Variants in MET observed in about 807,000 individuals in gnomAD.
MET encodes hepatocyte growth factor receptor.
MET carries 48 observed loss-of-function variants against 133.1 expected under a neutral mutation model. That is an observed-to-expected ratio of 0.36 (90% confidence interval 0.29 to 0.46). The LOEUF is 0.46. Ranked by LOEUF, MET falls within the 20% of genes least tolerant of loss-of-function variation. The pLI is 1.00. For synonymous variants in MET, 628 were observed against 616.5 expected (o/e 1.02, Z -0.28); for missense variants, 1,442 against 1,695.9 (o/e 0.85, Z 2.63).
intron 5 of MET, among the ~76,000 whole-genome samples, chr7:116,747,173 C>T (rs2116869826): frequency 6.6e-6 from 1 of 152,266 alleles, no homozygotes; most frequent in East Asian, 1.9e-4. Flanking sequence ...CCGGTACCAC[C>T]TACTGCAGAA....
At chr7:116,693,084 A>G (rs1796832770) in intron 1 of MET, among the ~76,000 whole-genome samples, 1 of 152,234 alleles carries the variant, frequency 6.6e-6, no homozygotes, top group Admixed American at 6.5e-5. Context: ...AAATATTAAA[A>G]TGCTCACACA....
At chr7:116,735,417 G>A (rs895688428) in intron 3 of MET, among the ~76,000 whole-genome samples, 7 of 152,176 alleles carry the variant, frequency 4.6e-5, no homozygotes, top group Non-Finnish European at 8.8e-5. Context: ...GTGAACCTAA[G>A]AATAATTACT....
chr7:116,746,416 T>A (rs1239658974), intron 5 of MET, among the ~76,000 whole-genome samples: 1 of 152,190 alleles, frequency 6.6e-6, no homozygotes, highest in Non-Finnish European at 1.5e-5. Flanking sequence ...TTGACCCAGC[T>A]GTCCCATTAC....
At chr7:116,713,211 C>T (rs988964281) in intron 2 of MET, among the ~76,000 whole-genome samples, 8 of 151,952 alleles carry the variant, frequency 5.3e-5, no homozygotes, top group African/African-American at 1.9e-4. Context: ...CCGGCTAAAA[C>T]GGTGAAACCC....
chr7:116,706,844 C>G (rs1033166423), intron 2 of MET, among the ~76,000 whole-genome samples: 1 of 151,654 alleles, frequency 6.6e-6, no homozygotes, highest in African/African-American at 2.4e-5. Flanking sequence ...AAAATGAAAC[C>G]AAGGGCTCAG....
At chr7:116,681,938 CA>C (rs59578108) in intron 1 of MET, among the ~76,000 whole-genome samples, 22,272 of 144,828 alleles carry the variant, frequency 0.15, 2,776 homozygotes, top group African/African-American at 0.35. Flanking sequence ...AGATTGTTGA[CA>C]AAAAAAAAAA....
chr7:116,732,051 T>C (rs1172036825), intron 3 of MET, among the ~76,000 whole-genome samples, 192 bp downstream of exon 3: 1 of 152,228 alleles, frequency 6.6e-6, no homozygotes, highest in Non-Finnish European at 1.5e-5. Flanking sequence ...TTTTATTAAG[T>C]TCTTGAAGCT....
intron 1 of MET, among the ~76,000 whole-genome samples, chr7:116,688,344 G>T (rs892749172): frequency 1.3e-5 from 2 of 152,236 alleles, no homozygotes; most frequent in East Asian, 3.9e-4. Flanking sequence ...CTGCTACACA[G>T]TCTGAATCAC....
At position 116,679,074 on chromosome 7, in the gene MET, G is replaced by C. The variant is rs147814057; in HGVS notation, c.-15+6497G>C. On this transcript the variant is annotated intron_variant, in intron 1 of 20. Coordinates refer to ENST00000397752, the MANE Select transcript of MET (RefSeq NM_000245.4). ...AGTCCTTGTTTACCAGTAATACTCA[G>C]TTGTAATCCTTACTAACCCCAAGGA... Among the ~76,000 whole-genome samples the C allele has an allele frequency of 2.0e-5, 3 of 152,276 alleles. No homozygotes were observed. In the East Asian group the frequency reaches 5.8e-4, roughly 29 times the overall value.
intron 9 of MET, 128 bp from the exon 10 acceptor site, chr7:116,759,263 A>G (rs2116935916): frequency 1.4e-6 from 2 of 1,388,616 alleles, no homozygotes; most frequent in East Asian, 5.0e-5. Flanking sequence ...TTACCCATGA[A>G]CTTCCATTTG....
At chr7:116,728,419 G>A (rs1792876376) in intron 2 of MET, among the ~76,000 whole-genome samples, 1 of 152,160 alleles carries the variant, frequency 6.6e-6, no homozygotes, top group Non-Finnish European at 1.5e-5. Flanking sequence ...TATAAATATT[G>A]CATTAACTCT....
chr7:116,714,778 G>C (rs937055013), intron 2 of MET, among the ~76,000 whole-genome samples: 4 of 120,906 alleles, frequency 3.3e-5, no homozygotes, highest in African/African-American at 1.2e-4. Flanking sequence ...CACACACACA[G>C]GCCACAGGGA....
chr7:116,784,922 A>G (rs1795264500), intron 19 of MET, among the ~76,000 whole-genome samples: 1 of 152,236 alleles, frequency 6.6e-6, no homozygotes, highest in South Asian at 2.1e-4. Context: ...TTAGTTGCTT[A>G]CAAGATACAA....
At chr7:116,687,496 A>C (rs975054406) in intron 1 of MET, among the ~76,000 whole-genome samples, 1 of 152,174 alleles carries the variant, frequency 6.6e-6, no homozygotes, top group Non-Finnish European at 1.5e-5. Context: ...TTCTTCTTCC[A>C]ACACTGTTAG....
At chr7:116,772,774 G>T (rs1794874658) in intron 14 of MET, among the ~76,000 whole-genome samples, 1 of 152,108 alleles carries the variant, frequency 6.6e-6, no homozygotes, top group Admixed American at 6.5e-5. Context: ...ATCCAAACAA[G>T]TTCAAGAGCA....
At chr7:116,772,200 A>C (rs1794858789) in intron 14 of MET, among the ~76,000 whole-genome samples, 1 of 152,204 alleles carries the variant, frequency 6.6e-6, no homozygotes, top group African/African-American at 2.4e-5. Context: ...TAGAGTCCAT[A>C]AGCTCTCATT....
intron 1 of MET, among the ~76,000 whole-genome samples, chr7:116,681,252 A>G (rs112394333): frequency 6.6e-6 from 1 of 151,994 alleles, no homozygotes; most frequent in African/African-American, 2.4e-5. Context: ...TCTGTTATCT[A>G]CTCCCAGGCA....
chr7:116,710,403 C>CCGTA (rs1207197546), intron 2 of MET, among the ~76,000 whole-genome samples: 32 of 152,034 alleles, frequency 2.1e-4, no homozygotes, highest in Admixed American at 2.0e-3. Flanking sequence ...AAAAGTAATA[C>CCGTA]CGTAGTATGG....
intron 2 of MET, among the ~76,000 whole-genome samples, chr7:116,703,895 C>T (rs750895431): frequency 1.8e-4 from 28 of 152,240 alleles, no homozygotes; most frequent in Admixed American, 5.2e-4. Flanking sequence ...AAATAGCTCT[C>T]GCCTCTCAGA....
Sources: allele counts gnomAD v4.1 joint callset (sites outside exome capture counted in the v4.1 genomes callset), GRCh38; gene constraint gnomAD v4.1.1; transcripts MANE v1.5; gene names NCBI Gene and HGNC (gene_info 2026-07-23, HGNC 2026-07-21).